Variants in CTNNA3 observed in about 807,000 individuals in gnomAD.
CTNNA3 encodes the protein catenin alpha-3.
Under a neutral mutation model 95.7 loss-of-function variants are expected in CTNNA3, and 76 were observed. The ratio of observed to expected loss-of-function variants is 0.79; its 90% CI spans 0.66 to 0.96. The LOEUF is 0.96. Among genes scored for constraint, CTNNA3 ranks in the 40% least tolerant of loss-of-function variants. The probability of loss-of-function intolerance (pLI) is 0.00; values close to 1 mark genes in which losing one functional copy is unlikely to be tolerated. For synonymous variants in CTNNA3, 431 were observed against 374.4 expected, an observed-to-expected ratio of 1.15 and a Z score of -1.74; for missense variants, 1,191 against 1,089.8, an observed-to-expected ratio of 1.09 and a Z score of -1.31.
At chr10:67,275,236 G>A (rs2132428197) in intron 5 of CTNNA3, among the ~76,000 whole-genome samples, 1 of 152,260 alleles carries the variant, frequency 6.6e-6, no homozygotes, top group South Asian at 2.1e-4. Flanking sequence ...TCATAGATGA[G>A]CAAATTGAGG....
chr10:67,616,075 G>A (rs1843646476), intron 2 of CTNNA3, among the ~76,000 whole-genome samples: 2 of 152,132 alleles, frequency 1.3e-5, no homozygotes, highest in African/African-American at 4.8e-5. Context: ...CTCTGATTAA[G>A]TAAGAAGGAT....
intron 5 of CTNNA3, among the ~76,000 whole-genome samples, chr10:67,388,802 G>A (rs1844316846): frequency 1.3e-5 from 2 of 151,884 alleles, no homozygotes; most frequent in Admixed American, 1.3e-4. Context: ...TTCATATCCA[G>A]CCAAACTAAG....
At chr10:67,407,096 C>T (rs1845165540) in intron 5 of CTNNA3, among the ~76,000 whole-genome samples, 1 of 152,122 alleles carries the variant, frequency 6.6e-6, no homozygotes, top group Non-Finnish European at 1.5e-5. Flanking sequence ...GATACTAACA[C>T]CTGGCAGAGA....
intron 5 of CTNNA3, among the ~76,000 whole-genome samples, chr10:67,233,144 C>T (rs1166906546): frequency 6.6e-6 from 1 of 152,196 alleles, no homozygotes; most frequent in Non-Finnish European, 1.5e-5. Flanking sequence ...TTGAACTCAG[C>T]TCCGCACCAA....
intron 16 of CTNNA3, among the ~76,000 whole-genome samples, chr10:65,977,017 T>C (rs546592119): frequency 4.0e-4 from 61 of 152,180 alleles, no homozygotes; most frequent in Admixed American, 6.6e-4. Flanking sequence ...CATCGAACAA[T>C]GCTTTTCCCA....
At chr10:67,345,091 T>C (rs1035932789) in intron 5 of CTNNA3, among the ~76,000 whole-genome samples, 1 of 152,148 alleles carries the variant, frequency 6.6e-6, no homozygotes, top group African/African-American at 2.4e-5. Flanking sequence ...TCTTAATTTC[T>C]TCATTGACCC....
At chr10:66,824,614 G>T (rs866826497) in intron 7 of CTNNA3, among the ~76,000 whole-genome samples, 2 of 152,136 alleles carry the variant, frequency 1.3e-5, no homozygotes, top group Non-Finnish European at 1.5e-5. Context: ...TTAATAAAAT[G>T]ACCTTTTCTT....
chr10:67,148,299 G>A (rs1051680291), intron 7 of CTNNA3, among the ~76,000 whole-genome samples: 1 of 152,096 alleles, frequency 6.6e-6, no homozygotes, highest in African/African-American at 2.4e-5. Flanking sequence ...TATATTTCCT[G>A]AATAGCCAGC....
intron 7 of CTNNA3, among the ~76,000 whole-genome samples, chr10:66,828,746 A>G (rs1230279949): frequency 6.6e-6 from 1 of 152,220 alleles, no homozygotes; most frequent in South Asian, 2.1e-4. Context: ...ACTATTCCAG[A>G]CAAATTATTA....
chr10:67,422,681 ACTCT>A (rs1179772084), intron 5 of CTNNA3, among the ~76,000 whole-genome samples: 1 of 151,284 alleles, frequency 6.6e-6, no homozygotes. Context: ...ATTCTCATTC[ACTCT>A]CTCTTTCTCC....
chr10:66,485,414 T>A (rs1417187927), intron 11 of CTNNA3, among the ~76,000 whole-genome samples: 1 of 151,990 alleles, frequency 6.6e-6, no homozygotes, highest in African/African-American at 2.4e-5. Context: ...ACAAAATCAA[T>A]ATACAAAAAT....
intron 11 of CTNNA3, among the ~76,000 whole-genome samples, chr10:66,434,841 GT>G (rs1189729748): frequency 6.6e-6 from 1 of 152,020 alleles, no homozygotes; most frequent in Non-Finnish European, 1.5e-5. Flanking sequence ...TTTATTGAGA[GT>G]TTTTAGCATG....
intron 2 of CTNNA3, among the ~76,000 whole-genome samples, chr10:67,620,282 A>G (rs956348159): frequency 3.3e-5 from 5 of 152,190 alleles, no homozygotes; most frequent in Admixed American, 6.5e-5. Flanking sequence ...ATGACCATGC[A>G]TGGGACCCAT....
intron 10 of CTNNA3, among the ~76,000 whole-genome samples, chr10:66,612,105 A>T (rs981277287): frequency 3.3e-5 from 5 of 152,078 alleles, no homozygotes; most frequent in South Asian, 2.1e-4. Flanking sequence ...CTAGGCTATA[A>T]ACCTCAAATT....
chr10:67,001,142 A>G (rs1270367836), intron 7 of CTNNA3, among the ~76,000 whole-genome samples: 1 of 151,706 alleles, frequency 6.6e-6, no homozygotes, highest in Non-Finnish European at 1.5e-5. Flanking sequence ...CTCTACTAAA[A>G]ATACAAAAAT....
At chr10:66,406,502 A>G (rs1237403596) in intron 11 of CTNNA3, among the ~76,000 whole-genome samples, 1 of 152,222 alleles carries the variant, frequency 6.6e-6, no homozygotes, top group Non-Finnish European at 1.5e-5. Flanking sequence ...TGAGTCTTAA[A>G]CCAAAAACTA....
intron 1 of CTNNA3, among the ~76,000 whole-genome samples, chr10:67,654,702 T>C (rs1433152044): frequency 1.3e-5 from 2 of 152,188 alleles, no homozygotes; most frequent in African/African-American, 4.8e-5. Flanking sequence ...GAATGTGTCA[T>C]CTGTTACTGT....
chr10:66,335,876 A>G (rs914415172), intron 12 of CTNNA3, among the ~76,000 whole-genome samples: 4 of 152,056 alleles, frequency 2.6e-5, no homozygotes, highest in Non-Finnish European at 4.4e-5. Flanking sequence ...GGTGGGCTCC[A>G]CCCAGTTTGA....
intron 5 of CTNNA3, among the ~76,000 whole-genome samples, chr10:67,443,120 T>C (rs1846594328): frequency 6.8e-6 from 1 of 147,630 alleles, no homozygotes; most frequent in African/African-American, 2.5e-5. Context: ...ACAAAGGACA[T>C]GAACTCATCA....
Sources: gnomAD v4.1 joint callset for allele counts (sites outside exome capture counted in the v4.1 genomes callset) on GRCh38, gnomAD v4.1.1 for gene constraint, MANE v1.5 for transcripts, NCBI Gene and HGNC (gene_info 2026-07-23, HGNC 2026-07-21) for gene names.